The following FAT3 variants were observed in gnomAD, a reference collection of about 807,000 sequenced individuals.
FAT3 encodes protocadherin Fat 3.
In FAT3, 95 loss-of-function variants were observed where a neutral mutation model predicts 310.2. That is an observed-to-expected ratio of 0.31 (90% CI 0.26 to 0.36). The LOEUF (loss-of-function observed/expected upper bound fraction) is 0.36, where lower values mean the gene tolerates loss of function less well. FAT3 is among the 10% of genes least tolerant of loss of function. The probability of loss-of-function intolerance (pLI) is 1.00; values close to 1 mark genes in which losing one functional copy is unlikely to be tolerated. For missense variants in FAT3, 5,408 were observed against 5,715.6 expected, an observed-to-expected ratio of 0.95 and a Z score of 1.74; for synonymous variants, 2,314 against 2,192.9, an observed-to-expected ratio of 1.06 and a Z score of -1.54.
chr11:92,844,334 T>C lies in FAT3; in HGVS notation c.10967T>C (p.Val3656Ala). ...ACTGTCACCATCCGCTTTGAAAATG[T>C]GTCCCCTGAGGACTTCGTGGGGCTG... is the stretch of plus-strand genomic sequence containing the variant. ...QNTVTIRFEN[V>A]SPEDFVGLHM... Residue 3656 changes from valine (V) to alanine (A), a missense_variant, in exon 19 of 28, where the codon GTG becomes GCG. Physicochemically the swap from Val to Ala is moderately conservative, Grantham distance 64 (BLOSUM62 0). This residue lies in a region of FAT3 where 4,588 missense variants were observed against 4,809.8 expected (regional missense o/e 0.95). Transcript: ENST00000525166. 6.2e-7 allele frequency: 1 copy of C among 1,613,974 alleles called. No homozygotes were observed. Among genetic ancestry groups the C allele is most frequent in the Non-Finnish European group, 8.5e-7 (1 of 1,179,900 alleles).
intron 3 of FAT3, among the ~76,000 whole-genome samples, chr11:92,580,352 A>G (rs1938722793): frequency 6.6e-6 from 1 of 151,940 alleles, no homozygotes; most frequent in African/African-American, 2.4e-5. Context: ...TGTATGTTTG[A>G]AATGTTCTTC....
chr11:92,477,355 G>A (rs1262247057), intron 2 of FAT3, among the ~76,000 whole-genome samples: 1 of 152,188 alleles, frequency 6.6e-6, no homozygotes, highest in Admixed American at 6.5e-5. Context: ...CAAACTGTCA[G>A]ACTTCTAATT....
At chr11:92,385,903 T>C (rs947250088) in intron 2 of FAT3, among the ~76,000 whole-genome samples, 2 of 152,064 alleles carry the variant, frequency 1.3e-5, no homozygotes, top group Non-Finnish European at 2.9e-5. Context: ...CCCAGCACTT[T>C]GAGAGGCCAA....
chr11:92,302,880 TAAC>T (rs1392572752), intron 1 of FAT3, among the ~76,000 whole-genome samples: 3 of 152,180 alleles, frequency 2.0e-5, no homozygotes, highest in African/African-American at 7.2e-5. Context: ...ATTTACTTAA[TAAC>T]AACTGTGGAA....
intron 2 of FAT3, among the ~76,000 whole-genome samples, chr11:92,477,765 T>C (rs1952087089): frequency 6.6e-6 from 1 of 152,178 alleles, no homozygotes; most frequent in Non-Finnish European, 1.5e-5. Flanking sequence ...GTATTCAAGG[T>C]TCACTGATTT....
intron 8 of FAT3, 90 bp from the exon 9 acceptor site, chr11:92,792,677 A>G (rs1947067944): frequency 2.3e-6 from 3 of 1,279,816 alleles, no homozygotes; most frequent in Non-Finnish European, 3.3e-6. Context: ...TGCGTGCATT[A>G]TTTCATTTTG....
At chr11:92,409,383 C>T (rs778527996) in intron 2 of FAT3, among the ~76,000 whole-genome samples, 4 of 152,060 alleles carry the variant, frequency 2.6e-5, no homozygotes, top group East Asian at 1.9e-4. Flanking sequence ...CATCCTGTGT[C>T]GTTCCAGCTG....
In FAT3 at chr11:92,732,674, T is replaced by C. The variant is rs144839440; in HGVS notation, c.3670-29182T>C. ...AATTATGTCTCAATGTCCATATTTG[T>C]TACATGGGAATAGCAATATCTACCT... On this transcript the variant is annotated intron_variant, in intron 4 of 27. Transcript: ENST00000525166. Among the ~76,000 whole-genome samples, 1,059 of 152,310 alleles carry C rather than the reference T, an allele frequency of 7.0e-3. 8 individuals carry two copies. The highest frequency in any genetic ancestry group is 0.012 in the Admixed American group (189 of 15,302).
intron 2 of FAT3, among the ~76,000 whole-genome samples, 166 bp downstream of exon 2, chr11:92,355,570 T>C (rs1458781063): frequency 6.6e-6 from 1 of 152,198 alleles, no homozygotes. Flanking sequence ...TCTGGTTTGT[T>C]AGAAGATCTG....
At chr11:92,359,085 C>A (rs1294043490) in intron 2 of FAT3, among the ~76,000 whole-genome samples, 1 of 152,100 alleles carries the variant, frequency 6.6e-6, no homozygotes, top group African/African-American at 2.4e-5. Context: ...TCCCAATTAT[C>A]GTCATTCAGT....
chr11:92,674,262 G>GA (rs1943219515), intron 3 of FAT3, among the ~76,000 whole-genome samples: 1 of 150,850 alleles, frequency 6.6e-6, no homozygotes, highest in Non-Finnish European at 1.5e-5. Flanking sequence ...GATGGAGAAA[G>GA]AAGGAGTTTG....
chr11:92,583,559 C>CT (rs139040979), intron 3 of FAT3, among the ~76,000 whole-genome samples: 1,649 of 151,972 alleles, frequency 0.011, 29 homozygotes, highest in African/African-American at 0.037. Context: ...CCTTGTCCCC[C>CT]ATTCTGAGCC....
At chr11:92,551,815 A>G (rs1257192544) in intron 3 of FAT3, among the ~76,000 whole-genome samples, 1 of 152,224 alleles carries the variant, frequency 6.6e-6, no homozygotes, top group Non-Finnish European at 1.5e-5. Context: ...AAACAAAAAC[A>G]AAAACAAAGA....
chr11:92,744,977 C>T (rs527313575), intron 4 of FAT3, among the ~76,000 whole-genome samples: 2 of 152,142 alleles, frequency 1.3e-5, no homozygotes, highest in Non-Finnish European at 2.9e-5. Flanking sequence ...AGTGTTTGCT[C>T]AGCTAGTAAT....
chr11:92,400,764 T>A (rs972898718), intron 2 of FAT3: 2 of 151,934 alleles, frequency 1.3e-5, no homozygotes. Flanking sequence ...AGTTATGAAG[T>A]AAGTTGATAT....
At chr11:92,254,783 G>A (rs1191874658) in intron 1 of FAT3, among the ~76,000 whole-genome samples, 1 of 152,048 alleles carries the variant, frequency 6.6e-6, no homozygotes, top group African/African-American at 2.4e-5. Flanking sequence ...TCGGCTCACT[G>A]CAACCTCCCC....
At chr11:92,669,248 C>CT in intron 3 of FAT3, among the ~76,000 whole-genome samples, 1 of 152,322 alleles carries the variant, frequency 6.6e-6, no homozygotes, top group Non-Finnish European at 1.5e-5. Flanking sequence ...AAGGCTTGGG[C>CT]TTGGCTTCAG....
intron 3 of FAT3, among the ~76,000 whole-genome samples, chr11:92,566,218 C>T (rs2135486961): frequency 6.6e-6 from 1 of 152,258 alleles, no homozygotes; most frequent in African/African-American, 2.4e-5. Context: ...GTACAAAAAT[C>T]ACAAGCATTC....
intron 3 of FAT3, among the ~76,000 whole-genome samples, chr11:92,547,192 C>G (rs753866553): frequency 2.6e-5 from 4 of 152,190 alleles, no homozygotes; most frequent in Non-Finnish European, 5.9e-5. Context: ...AATAGCCAGT[C>G]TCACCCTGCC....
Sources: allele counts gnomAD v4.1 joint callset (sites outside exome capture counted in the v4.1 genomes callset), GRCh38; gene constraint gnomAD v4.1.1; regional missense constraint gnomAD v4.1.1; transcripts MANE v1.5; gene names NCBI Gene and HGNC (gene_info 2026-07-23, HGNC 2026-07-21).